The following SMYD3 variants were observed in gnomAD, a reference collection of about 807,000 sequenced individuals.
SMYD3 encodes SET and MYND domain containing 3, also known as histone-lysine N-methyltransferase SMYD3.
Under a neutral mutation model 57.7 loss-of-function variants are expected in SMYD3, and 36 were observed. The ratio of observed to expected loss-of-function variants is 0.62; its 90% confidence interval spans 0.48 to 0.82. SMYD3 has a LOEUF of 0.82. Among genes scored for constraint, SMYD3 ranks in the 40% least tolerant of loss-of-function variants. SMYD3 has a pLI of 0.00. For missense variants in SMYD3, 515 were observed against 538.8 expected (o/e 0.96, Z 0.44); for synonymous variants, 211 against 195.0 (o/e 1.08, Z -0.68).
rs2045242398 is a variant in SMYD3, at chr1:245,749,543, T to C, written c.*20A>G. 1 of 1,595,930 alleles carries C rather than the reference T, an allele frequency of 6.3e-7. No homozygotes were observed. Among genetic ancestry groups the C allele is most frequent in the African/African-American group, 1.3e-5 (1 of 74,554 alleles). The stretch of plus-strand genomic sequence containing the variant: ...CATTCAACAAAGACACACGCCGTAT[T>C]TCCCTCTGACTGCGTTCCCTTAGGA... On this transcript the variant is annotated 3_prime_UTR_variant, in exon 12 of 12. Transcript: ENST00000490107.
intron 5 of SMYD3, among the ~76,000 whole-genome samples, chr1:246,051,036 A>T (rs992210278): frequency 1.1e-4 from 16 of 152,158 alleles, no homozygotes; most frequent in African/African-American, 3.6e-4. Flanking sequence ...AGAAAATATG[A>T]AATTACGAAG....
chr1:245,915,490 T>C (rs1308107875), intron 8 of SMYD3, 40 bp downstream of exon 8: 26 of 1,284,726 alleles, frequency 2.0e-5, no homozygotes, highest in Non-Finnish European at 2.9e-5. Context: ...CATTGAGATT[T>C]TGCCGTGGAG....
At chr1:245,955,921 T>C in intron 5 of SMYD3, 1 of 980,396 alleles carries the variant, frequency 1.0e-6, no homozygotes, top group Non-Finnish European at 1.2e-6. Flanking sequence ...GATTCATTTA[T>C]GTTGATGCAT....
chr1:246,224,478 T>C (rs1299479691), intron 5 of SMYD3, among the ~76,000 whole-genome samples: 2 of 151,802 alleles, frequency 1.3e-5, no homozygotes, highest in Non-Finnish European at 2.9e-5. Context: ...GGCAGATATA[T>C]TAGTACTGAA....
intron 5 of SMYD3, among the ~76,000 whole-genome samples, chr1:246,154,821 G>A (rs916525947): frequency 4.7e-5 from 7 of 147,434 alleles, no homozygotes; most frequent in Admixed American, 1.4e-4. Context: ...TCACTCTGTC[G>A]CCCAGGCTGG....
At chr1:246,436,903 T>TC (rs201911775) in intron 1 of SMYD3, among the ~76,000 whole-genome samples, 262 of 131,990 alleles carry the variant, frequency 2.0e-3, no homozygotes, top group African/African-American at 6.8e-3. Flanking sequence ...TTTCTTTCTT[T>TC]TTTTTTTTTT....
At chr1:246,335,175 G>A (rs183438306) in intron 3 of SMYD3, among the ~76,000 whole-genome samples, 192 bp downstream of exon 3, 3 of 152,126 alleles carry the variant, frequency 2.0e-5, no homozygotes, top group Admixed American at 6.5e-5. Context: ...AATAGACTAC[G>A]GTATAATGTA....
At chr1:246,324,627 A>G (rs1475914008) in intron 5 of SMYD3, among the ~76,000 whole-genome samples, 1 of 151,750 alleles carries the variant, frequency 6.6e-6, no homozygotes, top group Non-Finnish European at 1.5e-5. Flanking sequence ...TCAGTCAGGG[A>G]TAGTTGCATG....
At chr1:246,093,845 C>T (rs931092106) in intron 5 of SMYD3, among the ~76,000 whole-genome samples, 1 of 151,936 alleles carries the variant, frequency 6.6e-6, no homozygotes, top group Non-Finnish European at 1.5e-5. Context: ...TATTTGGATA[C>T]ATTTAATATA....
chr1:245,784,805 A>C (rs1415298119), intron 10 of SMYD3, among the ~76,000 whole-genome samples: 1 of 150,432 alleles, frequency 6.6e-6, no homozygotes, highest in Non-Finnish European at 1.5e-5. Context: ...AGCTTCATTT[A>C]GGGAAAACCA....
At chr1:246,384,644 G>T (rs146179943) in intron 1 of SMYD3, among the ~76,000 whole-genome samples, 2 of 152,090 alleles carry the variant, frequency 1.3e-5, no homozygotes, top group African/African-American at 4.8e-5. Flanking sequence ...TGATCTGCCC[G>T]CCTCGGCCTC....
At chr1:246,243,145 T>A in intron 5 of SMYD3, among the ~76,000 whole-genome samples, 1 of 152,138 alleles carries the variant, frequency 6.6e-6, no homozygotes, top group East Asian at 1.9e-4. Flanking sequence ...ATCAACAGAA[T>A]ATACATTCTT....
intron 5 of SMYD3, among the ~76,000 whole-genome samples, chr1:246,118,951 T>A (rs899865554): frequency 1.3e-5 from 2 of 152,118 alleles, no homozygotes; most frequent in African/African-American, 4.8e-5. Flanking sequence ...GATTGACATC[T>A]GAGGACCTTC....
chr1:246,287,749 A>T (rs2064600146), intron 5 of SMYD3, among the ~76,000 whole-genome samples: 1 of 152,220 alleles, frequency 6.6e-6, no homozygotes, highest in Non-Finnish European at 1.5e-5. Context: ...ACAGGAATAC[A>T]AAGAGAAAGA....
chr1:246,264,595 G>A (rs1225649849), intron 5 of SMYD3, among the ~76,000 whole-genome samples: 1 of 152,118 alleles, frequency 6.6e-6, no homozygotes, highest in Non-Finnish European at 1.5e-5. Flanking sequence ...GTAATCCCAT[G>A]GCCTCTAATG....
At chr1:245,985,953 T>G (rs2148090984) in intron 5 of SMYD3, among the ~76,000 whole-genome samples, 1 of 152,252 alleles carries the variant, frequency 6.6e-6, no homozygotes, top group South Asian at 2.1e-4. Flanking sequence ...AGGTAAATCC[T>G]TGAATTCCTA....
intron 5 of SMYD3, among the ~76,000 whole-genome samples, chr1:246,284,545 T>C (rs6426292): frequency 0.36 from 54,021 of 151,228 alleles, 10,371 homozygotes; most frequent in East Asian, 0.72. Context: ...GCCTCCTGAG[T>C]AGCTGGGACT....
intron 5 of SMYD3, among the ~76,000 whole-genome samples, chr1:246,026,689 A>G (rs533974417): frequency 1.3e-5 from 2 of 152,220 alleles, no homozygotes; most frequent in Admixed American, 6.5e-5. Flanking sequence ...GCATTCTGAC[A>G]GCTTCACCAA....
At chr1:246,089,968 T>A (rs779011245) in intron 5 of SMYD3, among the ~76,000 whole-genome samples, 9 of 152,030 alleles carry the variant, frequency 5.9e-5, no homozygotes, top group Non-Finnish European at 1.2e-4. Context: ...TTCTTTCCAT[T>A]TTCCACTGGC....
Sources: allele counts gnomAD v4.1 joint callset (sites outside exome capture counted in the v4.1 genomes callset), GRCh38; gene constraint gnomAD v4.1.1; transcripts MANE v1.5; gene names NCBI Gene and HGNC (gene_info 2026-07-23, HGNC 2026-07-21).